Variants in NUP54 observed in about 807,000 individuals in gnomAD.
The protein encoded by NUP54 is nucleoporin 54.
NUP54 carries 27 observed loss-of-function variants against 66.4 expected under a neutral mutation model. The ratio of observed to expected loss-of-function variants is 0.41; its 90% CI spans 0.30 to 0.56. The LOEUF is 0.56. Ranked by LOEUF, NUP54 falls within the 20% of genes least tolerant of loss-of-function variation. NUP54 has a pLI of 0.34. For missense variants in NUP54, 486 were observed against 596.3 expected (o/e 0.82, Z 1.93); for synonymous variants, 206 against 210.7 (o/e 0.98, Z 0.19).
chr4:76,136,377 G>C lies in NUP54; in HGVS notation c.331C>G (p.Pro111Ala), dbSNP rs772918644. ...GGLFSQPTQA[P>A]TQSNQLINTA... ...TTTATCAGCTGGTTGGACTGGGTAGGAGCTTGTGTAGGCTGACTGAAGAGA... is the reference window on the plus strand; with the variant it reads ...TTTATCAGCTGGTTGGACTGGGTAGCAGCTTGTGTAGGCTGACTGAAGAGA... The change falls in exon 4 of 12, where the codon CCT (proline) becomes GCT (alanine). Residue 111 changes from proline to alanine, a missense_variant. This residue lies in a region of NUP54 where 145 missense variants were observed against 137.1 expected (regional missense o/e 1.06). Transcript: ENST00000264883. The C allele has an allele frequency of 4.3e-6, 7 of 1,613,990 alleles. No homozygotes were observed. The highest frequency in any genetic ancestry group is 5.1e-6 in the Non-Finnish European group (6 of 1,179,998).
chr4:76,147,913 T>A, intron 1 of NUP54: 1 of 276,730 alleles, frequency 3.6e-6, no homozygotes. Context: ...AGCCCTATCC[T>A]CGCCGAGTCC....
At position 76,144,442 on chromosome 4, in the gene NUP54, T is replaced by C; in HGVS notation, c.99A>G (p.Thr33=). 2.5e-6 allele frequency: 4 copies of C among 1,607,600 alleles called. No homozygotes were observed. The highest frequency in any genetic ancestry group is 3.4e-6 in the Non-Finnish European group (4 of 1,178,334). The part of the protein sequence containing the change: ...GGFGGFGTTS[T]TAGSAFSFSA... ...AAAAGCTGAATGCAGAACCTGCAGTTGTAGATGTTGTCCCAAATCCTCCAA... is the reference window on the plus strand; with the variant it reads ...AAAAGCTGAATGCAGAACCTGCAGTCGTAGATGTTGTCCCAAATCCTCCAA... Residue 33 remains threonine (T), a synonymous_variant, in exon 2 of 12, where the codon ACA becomes ACG. Transcript: ENST00000264883.
At chr4:76,143,535 C>T (rs370204244) in intron 3 of NUP54, among the ~76,000 whole-genome samples, 32 of 152,186 alleles carry the variant, frequency 2.1e-4, no homozygotes, top group East Asian at 9.7e-4. Flanking sequence ...ACCTGGGAGG[C>T]GGAGGTTGCA....
intron 8 of NUP54, 147 bp from the exon 9 acceptor site, chr4:76,124,903 T>C (rs539027819): frequency 6.1e-6 from 3 of 491,016 alleles, no homozygotes; most frequent in East Asian, 3.3e-5. Flanking sequence ...CTGTGCTTTA[T>C]ATTTCTTCCC....
intron 1 of NUP54, among the ~76,000 whole-genome samples, chr4:76,144,903 A>G (rs1731421107): frequency 6.6e-6 from 1 of 152,198 alleles, no homozygotes; most frequent in Admixed American, 6.5e-5. Flanking sequence ...TTTAAAATGA[A>G]TAGTTTTTTA....
intron 7 of NUP54, chr4:76,130,986 GA>G: frequency 3.3e-6 from 2 of 600,710 alleles, no homozygotes; most frequent in Non-Finnish European, 5.9e-6. Flanking sequence ...AACGCAAATA[GA>G]ATTTTCCGCT....
chr4:76,133,693 T>C (rs1461542807), intron 5 of NUP54, among the ~76,000 whole-genome samples: 3 of 152,172 alleles, frequency 2.0e-5, no homozygotes, highest in Non-Finnish European at 4.4e-5. Context: ...TTGAAATTTA[T>C]GGGCTGCTTC....
chr4:76,129,969 T>TG, intron 8 of NUP54, among the ~76,000 whole-genome samples: 1 of 16,394 alleles, frequency 6.1e-5, no homozygotes, highest in African/African-American at 6.1e-4. Context: ...TATGAAAGTT[T>TG]TTTTTTTTTT....
In NUP54 at chr4:76,115,249, C is replaced by A; in HGVS notation, c.*117G>T. 1 of 949,960 alleles carries A rather than the reference C, an allele frequency of 1.1e-6. No individual in the cohort carries two copies. Among genetic ancestry groups the A allele is most frequent in the Non-Finnish European group, 1.4e-6 (1 of 691,362 alleles). 58.8% of individuals were successfully genotyped at this position (949,960 alleles called of 1,614,324 possible). A position where few individuals can be genotyped will look rare whatever the true frequency, so the allele number is the denominator to read the frequency against. On this transcript the variant is annotated 3_prime_UTR_variant, in exon 12 of 12. Coordinates refer to ENST00000264883, the MANE Select transcript of NUP54 (RefSeq NM_017426.4). ...ATTTGTCAGTAAACTTCTCAAAAAA[C>A]CAATCCAAGAAAGAATTGTTTTCTT...
intron 9 of NUP54, among the ~76,000 whole-genome samples, chr4:76,122,797 C>T (rs1444150893): frequency 6.6e-6 from 1 of 152,094 alleles, no homozygotes; most frequent in African/African-American, 2.4e-5. Flanking sequence ...AAAAGGAGAA[C>T]CACCAAAATG....
chr4:76,145,290 C>T lies in NUP54; in HGVS notation c.68-817G>A, dbSNP rs182666734. On this transcript the variant is annotated intron_variant, in intron 1 of 11. Coordinates refer to ENST00000264883, the MANE Select transcript of NUP54 (RefSeq NM_017426.4). ...CCAAGATCTTGCCACTGTACTCCAG[C>T]CCGGGCGACAGGGTGAGACTCCGTC... 5.2e-3 allele frequency among the ~76,000 whole-genome samples: 768 copies of T among 147,438 alleles called. 6 individuals are homozygous for T. The highest frequency in any genetic ancestry group is 0.017 in the African/African-American group (684 of 39,690).
chr4:76,123,482 T>C (rs1560676973), intron 9 of NUP54, among the ~76,000 whole-genome samples: 1 of 152,172 alleles, frequency 6.6e-6, no homozygotes, highest in Non-Finnish European at 1.5e-5. Flanking sequence ...TCCAAATCTG[T>C]TACCCTAAAG....
At chr4:76,147,566 G>C (rs1731555857) in intron 1 of NUP54, 1 of 1,289,536 alleles carries the variant, frequency 7.8e-7, no homozygotes. Context: ...TTCACTGCAG[G>C]ATTAGCAGTT....
intron 3 of NUP54, among the ~76,000 whole-genome samples, chr4:76,141,522 T>A (rs1469806757): frequency 2.6e-5 from 4 of 152,322 alleles, no homozygotes; most frequent in Non-Finnish European, 5.9e-5. Flanking sequence ...AAGCCCAAGA[T>A]ACCTTTATCC....
At chr4:76,119,993 T>G (rs1224883344) in intron 9 of NUP54, among the ~76,000 whole-genome samples, 1 of 152,192 alleles carries the variant, frequency 6.6e-6, no homozygotes, top group African/African-American at 2.4e-5. Context: ...ATGAAATGCC[T>G]TAAGAAGTAT....
chr4:76,125,800 G>A (rs1364109472), intron 8 of NUP54, among the ~76,000 whole-genome samples: 8 of 44,080 alleles, frequency 1.8e-4, no homozygotes, highest in Admixed American at 5.1e-4. Flanking sequence ...AGAGGGAGAG[G>A]GAGAGAGAGG....
chr4:76,148,385 C>A lies in NUP54; in HGVS notation c.-11G>T. Reference sequence around the variant, plus strand: ...AAAATTGAAGGCCATGTCGCGAAAGCAGGAGACCAAGTAGGTTACTCCTGC... The same window carrying A: ...AAAATTGAAGGCCATGTCGCGAAAGAAGGAGACCAAGTAGGTTACTCCTGC... On this transcript the variant is annotated 5_prime_UTR_variant, in exon 1 of 12. Transcript: ENST00000264883. 6.6e-7 allele frequency: 1 copy of A among 1,524,196 alleles called. No homozygotes were observed. The highest frequency in any genetic ancestry group is 8.8e-7 in the Non-Finnish European group (1 of 1,135,224). The allele number at this position is 1,524,196 out of a possible 1,614,324, so 94.4% of individuals were successfully genotyped here.
intron 3 of NUP54, 69 bp from the exon 4 acceptor site, chr4:76,136,481 G>A: frequency 7.8e-7 from 1 of 1,279,964 alleles, no homozygotes. Context: ...TCCTAGGCGT[G>A]GTAGGCAAAA....
intron 8 of NUP54, among the ~76,000 whole-genome samples, chr4:76,126,156 A>G (rs1730530633): frequency 6.6e-6 from 1 of 152,204 alleles, no homozygotes; most frequent in Non-Finnish European, 1.5e-5. Context: ...TTAATTATGC[A>G]GCAGGATACA....
Sources: allele counts gnomAD v4.1 joint callset (sites outside exome capture counted in the v4.1 genomes callset), GRCh38; gene constraint gnomAD v4.1.1; regional missense constraint gnomAD v4.1.1; transcripts MANE v1.5; gene names NCBI Gene and HGNC (gene_info 2026-07-23, HGNC 2026-07-21).